Variants in SYN3 observed in about 807,000 individuals in gnomAD.
SYN3 encodes the protein synapsin III.
Under a neutral mutation model 65.8 loss-of-function variants are expected in SYN3, and 35 were observed. The observed-to-expected ratio is 0.53, with a 90% CI of 0.41 to 0.70. The LOEUF is 0.70. Ranked by LOEUF, SYN3 falls within the 30% of genes least tolerant of loss-of-function variation. SYN3 has a pLI of 0.00. For missense variants in SYN3, 680 were observed against 749.0 expected (o/e 0.91, Z 1.08); for synonymous variants, 270 against 292.9 (o/e 0.92, Z 0.80).
intron 1 of SYN3, among the ~76,000 whole-genome samples, chr22:33,029,440 C>A (rs1334412846): frequency 6.6e-6 from 1 of 152,108 alleles, no homozygotes; most frequent in Non-Finnish European, 1.5e-5. Context: ...ACCTCAACCT[C>A]CCAAAGCGCT....
intron 6 of SYN3, among the ~76,000 whole-genome samples, chr22:32,677,433 T>G (rs946676671): frequency 6.6e-6 from 1 of 152,202 alleles, no homozygotes; most frequent in African/African-American, 2.4e-5. Flanking sequence ...ACTGGTGGAA[T>G]AAATTGTGGC....
intron 4 of SYN3, among the ~76,000 whole-genome samples, chr22:32,909,719 A>G (rs2050000986): frequency 6.9e-6 from 1 of 145,066 alleles, no homozygotes; most frequent in African/African-American, 2.6e-5. Flanking sequence ...GCATTTCTCA[A>G]ATGTATCCCA....
At chr22:33,049,107 T>C (rs183179025) in intron 1 of SYN3, among the ~76,000 whole-genome samples, 89 of 152,334 alleles carry the variant, frequency 5.8e-4, no homozygotes, top group Admixed American at 3.7e-3. Flanking sequence ...AGGGTATTTT[T>C]GGCTACACAT....
intron 3 of SYN3, among the ~76,000 whole-genome samples, chr22:32,941,696 T>C (rs2050944677): frequency 6.6e-6 from 1 of 152,164 alleles, no homozygotes; most frequent in Non-Finnish European, 1.5e-5. Flanking sequence ...TTCCCTTTCC[T>C]AGCCAAGGGA....
At chr22:32,859,212 G>T in intron 6 of SYN3, 1 of 1,614,144 alleles carries the variant, frequency 6.2e-7, no homozygotes, top group Non-Finnish European at 8.5e-7. Flanking sequence ...CTTGCTTTGT[G>T]ACTTCCAAGA....
chr22:32,686,222 A>T (rs1312826365), intron 6 of SYN3, among the ~76,000 whole-genome samples: 2 of 152,138 alleles, frequency 1.3e-5, no homozygotes, highest in African/African-American at 4.8e-5. Context: ...GAAAAAGGGT[A>T]TTATCCTCAA....
At chr22:32,535,510 C>G (rs779604750) in intron 9 of SYN3, among the ~76,000 whole-genome samples, 3 of 152,190 alleles carry the variant, frequency 2.0e-5, no homozygotes, top group African/African-American at 7.2e-5. Context: ...CCTCTGGGCT[C>G]TCTGATCAGG....
chr22:32,572,438 CCCTCCTTCCTTT>C (rs2058786423), intron 7 of SYN3, among the ~76,000 whole-genome samples: 1 of 121,752 alleles, frequency 8.2e-6, no homozygotes, highest in Non-Finnish European at 1.7e-5. Flanking sequence ...TTCCTTCCTT[CCCTCCTTCCTTT>C]CCTCCCTTCC....
intron 6 of SYN3, among the ~76,000 whole-genome samples, chr22:32,687,604 C>T (rs1286293437): frequency 1.2e-4 from 19 of 152,276 alleles, no homozygotes; most frequent in African/African-American, 3.6e-4. Context: ...CATTCTTCTG[C>T]TTAAAACTTT....
intron 6 of SYN3, among the ~76,000 whole-genome samples, chr22:32,834,031 TC>T (rs1236344453): frequency 6.6e-6 from 1 of 152,218 alleles, no homozygotes; most frequent in African/African-American, 2.4e-5. Flanking sequence ...CCTGGTACTC[TC>T]ATTGCTTATC....
intron 6 of SYN3, among the ~76,000 whole-genome samples, chr22:32,689,164 T>A (rs2060630639): frequency 6.6e-6 from 1 of 152,122 alleles, no homozygotes; most frequent in Non-Finnish European, 1.5e-5. Context: ...GAAGGGAGCA[T>A]CTCTGCGGAG....
chr22:32,782,230 G>A (rs920902026), intron 6 of SYN3, among the ~76,000 whole-genome samples: 3 of 151,416 alleles, frequency 2.0e-5, no homozygotes, highest in African/African-American at 7.3e-5. Flanking sequence ...CACCACGCTC[G>A]GCTAATTTTG....
chr22:32,589,461 C>T (rs2059098530), intron 7 of SYN3, among the ~76,000 whole-genome samples: 1 of 152,198 alleles, frequency 6.6e-6, no homozygotes, highest in East Asian at 1.9e-4. Flanking sequence ...CATAAACACA[C>T]ATGCAAGTTT....
At chr22:32,635,213 ATCTG>A (rs1041150015) in intron 6 of SYN3, 4 of 152,134 alleles carry the variant, frequency 2.6e-5, no homozygotes, top group Non-Finnish European at 2.9e-5. Context: ...CTTTCTATCT[ATCTG>A]TCTGTCTATC....
intron 7 of SYN3, among the ~76,000 whole-genome samples, chr22:32,549,378 C>T (rs1458178772): frequency 6.6e-6 from 1 of 152,076 alleles, no homozygotes; most frequent in Non-Finnish European, 1.5e-5. Context: ...CGCAGCCTCC[C>T]CAGTAGCTGA....
At chr22:32,802,251 T>A in intron 6 of SYN3, 1 of 1,363,028 alleles carries the variant, frequency 7.3e-7, no homozygotes, top group Non-Finnish European at 9.7e-7. Flanking sequence ...TGGGGCGGAG[T>A]GGAGAAACTC....
At chr22:32,584,397 A>ATGTTCCCCACCCCACCGGGTGATG (rs2058993029) in intron 7 of SYN3, among the ~76,000 whole-genome samples, 1 of 152,068 alleles carries the variant, frequency 6.6e-6, no homozygotes, top group South Asian at 2.1e-4. Flanking sequence ...GTAAATTATA[A>ATGTTCCCCACCCCACCGGGTGATG]TGTTCCCCAC....
intron 7 of SYN3, among the ~76,000 whole-genome samples, chr22:32,550,631 A>G (rs963487438): frequency 6.6e-6 from 1 of 152,026 alleles, no homozygotes; most frequent in African/African-American, 2.4e-5. Context: ...GGATGAATTT[A>G]TGATGTATTT....
chr22:32,895,227 G>C (rs370127234), intron 4 of SYN3, among the ~76,000 whole-genome samples: 1 of 152,170 alleles, frequency 6.6e-6, no homozygotes, highest in East Asian at 1.9e-4. Flanking sequence ...TTATTAGCAG[G>C]TGTGTTGAAA....
Sources: allele counts gnomAD v4.1 joint callset (sites outside exome capture counted in the v4.1 genomes callset), GRCh38; gene constraint gnomAD v4.1.1; transcripts MANE v1.5; gene names NCBI Gene and HGNC (gene_info 2026-07-23, HGNC 2026-07-21).